The following PRKN variants were observed in gnomAD, a reference collection of about 807,000 sequenced individuals.
PRKN encodes the protein parkin RBR E3 ubiquitin protein ligase.
Under a neutral mutation model 59.5 loss-of-function variants are expected in PRKN, and 56 were observed. The observed-to-expected ratio is 0.94, with a 90% CI of 0.76 to 1.18. The LOEUF is 1.18. Among genes scored for constraint, PRKN ranks in the 50% most tolerant of loss-of-function variants. The pLI, the probability that PRKN is intolerant of heterozygous loss-of-function variation, is 0.00. For synonymous variants in PRKN, 250 were observed against 222.1 expected (o/e 1.13, Z -1.12); for missense variants, 657 against 596.4 (o/e 1.10, Z -1.06).
intron 8 of PRKN, among the ~76,000 whole-genome samples, chr6:161,557,213 G>A (rs535545302): frequency 1.7e-4 from 26 of 152,224 alleles, no homozygotes; most frequent in Non-Finnish European, 3.5e-4. Flanking sequence ...TTTCTTTGGG[G>A]AGTAAATTAT....
At chr6:162,474,575 A>G (rs1356508332) in intron 1 of PRKN, among the ~76,000 whole-genome samples, 3 of 152,202 alleles carry the variant, frequency 2.0e-5, no homozygotes, top group Admixed American at 1.3e-4. Context: ...ATGTTTAAAA[A>G]TATTCTATTA....
At chr6:162,385,467 C>A (rs969438146) in intron 2 of PRKN, among the ~76,000 whole-genome samples, 1 of 152,010 alleles carries the variant, frequency 6.6e-6, no homozygotes, top group Admixed American at 6.6e-5. Context: ...GAGCTAATTG[C>A]GGTGGCTTTT....
At chr6:161,692,786 C>T (rs1193181751) in intron 7 of PRKN, among the ~76,000 whole-genome samples, 1 of 151,570 alleles carries the variant, frequency 6.6e-6, no homozygotes. Context: ...ACAAAACCAA[C>T]CCCCCCACAA....
chr6:162,233,821 A>G (rs1778524719), intron 3 of PRKN, among the ~76,000 whole-genome samples: 1 of 152,200 alleles, frequency 6.6e-6, no homozygotes, highest in African/African-American at 2.4e-5. Flanking sequence ...TAGGAAGAGA[A>G]GGAGATACGA....
rs1159497648 is a variant in PRKN at position 161,895,615 on chromosome 6, C to G, written c.734+77687G>C. On this transcript the variant is annotated intron_variant, in intron 6 of 11. Coordinates refer to ENST00000366898, the MANE Select transcript of PRKN (RefSeq NM_004562.3). ...TCTGAGATTCAGGAGCACGCCCACC[C>G]CACCTGCTGTTATGCTCCCCAGTGA... is the stretch of plus-strand genomic sequence containing the variant. 9.3e-4 allele frequency among the ~76,000 whole-genome samples: 110 copies of G among 118,318 alleles called. 6 individuals are homozygous for G. Among genetic ancestry groups the G allele is most frequent in the Non-Finnish European group, 1.1e-4 (6 of 55,854 alleles). The allele number at this position is 118,318 out of a possible 152,430, so 77.6% of individuals were successfully genotyped here. A position where few individuals can be genotyped will look rare whatever the true frequency, so the allele number is the denominator to read the frequency against.
chr6:161,836,078 C>T (rs569219118), intron 6 of PRKN, among the ~76,000 whole-genome samples: 2 of 152,252 alleles, frequency 1.3e-5, no homozygotes, highest in South Asian at 2.1e-4. Flanking sequence ...AGCTTCCTTT[C>T]TGAAGAGCTC....
chr6:162,286,319 C>T (rs1277899199), intron 2 of PRKN, among the ~76,000 whole-genome samples: 1 of 152,106 alleles, frequency 6.6e-6, no homozygotes, highest in Non-Finnish European at 1.5e-5. Flanking sequence ...TTTCCTAAAT[C>T]TTTATAGCCG....
chr6:161,824,899 T>C (rs545792201), intron 6 of PRKN, among the ~76,000 whole-genome samples: 10 of 152,324 alleles, frequency 6.6e-5, no homozygotes, highest in Admixed American at 1.3e-4. Context: ...ATGAGTTTTG[T>C]CAATTGATCA....
chr6:162,717,507 A>T (rs922343691), intron 1 of PRKN, among the ~76,000 whole-genome samples: 2 of 149,572 alleles, frequency 1.3e-5, no homozygotes, highest in Non-Finnish European at 3.0e-5. Flanking sequence ...TCAAGGTTGC[A>T]GTGAGCTGTG....
At chr6:162,134,052 T>C (rs779882474) in intron 4 of PRKN, among the ~76,000 whole-genome samples, 5 of 152,190 alleles carry the variant, frequency 3.3e-5, no homozygotes, top group Non-Finnish European at 5.9e-5. Flanking sequence ...CTGATACGAA[T>C]GAATTACCCA....
At chr6:162,089,797 A>C (rs1779400666) in intron 4 of PRKN, among the ~76,000 whole-genome samples, 2 of 152,366 alleles carry the variant, frequency 1.3e-5, no homozygotes, top group Admixed American at 6.5e-5. Context: ...ACCACGTATT[A>C]CATGTTTCCA....
intron 1 of PRKN, among the ~76,000 whole-genome samples, chr6:162,492,855 A>C (rs1432775247): frequency 6.6e-6 from 1 of 151,674 alleles, no homozygotes; most frequent in Admixed American, 6.6e-5. Flanking sequence ...CAGGAGGCTA[A>C]GGCAGGAGAA....
At chr6:161,767,304 G>A (rs896037613) in intron 7 of PRKN, among the ~76,000 whole-genome samples, 6 of 152,176 alleles carry the variant, frequency 3.9e-5, no homozygotes, top group African/African-American at 1.4e-4. Flanking sequence ...ACTAGGTCAG[G>A]AGATCGAGAC....
rs1399858072 is a variant in PRKN, at chr6:161,530,682, A to AT, written c.1083+18171dup. ...AGGCATTTACCACCACGCCTGGCTA[A>AT]TTTTTTTCTATTTTTAGTGGAGACG... On this transcript the variant is annotated intron_variant, in intron 9 of 11. Transcript: ENST00000366898. This position sits in a 1 kb window ranked among gnomAD's most constrained non-coding sequence, Gnocchi z 5.0. Among the ~76,000 whole-genome samples the AT allele has an allele frequency of 6.6e-6, 1 of 151,356 alleles. No homozygotes were observed. The highest frequency in any genetic ancestry group is 2.4e-5 in the African/African-American group (1 of 41,170).
intron 1 of PRKN, among the ~76,000 whole-genome samples, chr6:162,661,276 A>T (rs957957279): frequency 1.3e-5 from 2 of 152,102 alleles, no homozygotes; most frequent in Admixed American, 1.3e-4. Context: ...AAAAAGAACA[A>T]GGGGTCAGGG....
chr6:161,711,511 C>A (rs1056116779), intron 7 of PRKN, among the ~76,000 whole-genome samples: 1 of 152,106 alleles, frequency 6.6e-6, no homozygotes, highest in African/African-American at 2.4e-5. Context: ...ATAATAAATA[C>A]ATTTAGATTG....
At chr6:162,112,177 C>T (rs906303957) in intron 4 of PRKN, among the ~76,000 whole-genome samples, 1 of 152,172 alleles carries the variant, frequency 6.6e-6, no homozygotes, top group South Asian at 2.1e-4. Flanking sequence ...TCTTTGCAAC[C>T]TTCAAACAAC....
chr6:162,535,495 T>C (rs1778677270), intron 1 of PRKN, among the ~76,000 whole-genome samples: 1 of 152,138 alleles, frequency 6.6e-6, no homozygotes, highest in South Asian at 2.1e-4. Context: ...TATATATGAA[T>C]AGATGGTGTG....
At chr6:161,855,105 AAAAAAGAAAAAG>A (rs1417958815) in intron 6 of PRKN, among the ~76,000 whole-genome samples, 2 of 151,440 alleles carry the variant, frequency 1.3e-5, no homozygotes, top group Non-Finnish European at 2.9e-5. Context: ...AAAAGAAAAA[AAAAAAGAAAAAG>A]AAAAGTGGTT....
Sources: gnomAD v4.1 joint callset for allele counts (sites outside exome capture counted in the v4.1 genomes callset) on GRCh38, gnomAD v4.1.1 for gene constraint, Gnocchi (gnomAD v3.1) non-coding constraint, MANE v1.5 for transcripts, NCBI Gene and HGNC (gene_info 2026-07-23, HGNC 2026-07-21) for gene names.